Variants in ENOX1 observed in about 807,000 individuals in gnomAD.
ENOX1 encodes the protein ecto-NOX disulfide-thiol exchanger 1.
ENOX1 carries 42 observed loss-of-function variants against 82.5 expected under a neutral mutation model. That is an observed-to-expected ratio of 0.51 (90% CI 0.40 to 0.66). The LOEUF (loss-of-function observed/expected upper bound fraction) is 0.66, where lower values mean the gene tolerates loss of function less well. Among genes scored for constraint, ENOX1 ranks in the 30% least tolerant of loss-of-function variants. The pLI is 0.00. For synonymous variants in ENOX1, 271 were observed against 282.2 expected (o/e 0.96, Z 0.40); for missense variants, 608 against 811.6 (o/e 0.75, Z 3.05).
intron 1 of ENOX1, among the ~76,000 whole-genome samples, chr13:43,703,602 G>A (rs1320286800): frequency 2.0e-5 from 3 of 152,140 alleles, no homozygotes; most frequent in Non-Finnish European, 4.4e-5. Flanking sequence ...TTTCTTGAGA[G>A]TAGATTTTAT....
chr13:43,224,155 AAC>A lies in ENOX1; in HGVS notation c.1715-19_1715-18del. ...ATATGATACCTGAATTAAAAAGGCA[AAC>A]ATTGGAAATTATTCAAAGGCATATG... On this transcript the variant is annotated intron_variant, in intron 15 of 16. Transcript: ENST00000690772. 6.3e-7 allele frequency: 1 copy of A among 1,597,438 alleles called. No homozygotes were observed. The highest frequency in any genetic ancestry group is 8.6e-7 in the Non-Finnish European group (1 of 1,165,002).
chr13:43,470,383 TATAC>T (rs1433782877), intron 3 of ENOX1, among the ~76,000 whole-genome samples: 2 of 95,832 alleles, frequency 2.1e-5, no homozygotes, highest in African/African-American at 3.9e-5. Context: ...TATACATATA[TATAC>T]GTATATATAT....
intron 14 of ENOX1, among the ~76,000 whole-genome samples, chr13:43,262,505 A>C (rs985813762): frequency 6.6e-6 from 1 of 152,204 alleles, no homozygotes; most frequent in Non-Finnish European, 1.5e-5. Flanking sequence ...TCATCCTGCC[A>C]AAAGTCCTGT....
intron 2 of ENOX1, among the ~76,000 whole-genome samples, chr13:43,575,975 T>G (rs2080404764): frequency 6.6e-6 from 1 of 152,226 alleles, no homozygotes; most frequent in Admixed American, 6.5e-5. Context: ...ACTAAAAGAA[T>G]GTACATTCCA....
At chr13:43,524,187 C>T (rs1252628226) in intron 2 of ENOX1, among the ~76,000 whole-genome samples, 1 of 152,138 alleles carries the variant, frequency 6.6e-6, no homozygotes, top group African/African-American at 2.4e-5. Flanking sequence ...ATAGTGACAT[C>T]TGAAAACAAG....
At chr13:43,283,034 G>C (rs1593696004) in intron 12 of ENOX1, among the ~76,000 whole-genome samples, 1 of 151,654 alleles carries the variant, frequency 6.6e-6, no homozygotes, top group African/African-American at 2.4e-5. Context: ...AGTGAGCCGA[G>C]ATCACGCCAC....
At chr13:43,310,995 A>G (rs2047168804) in intron 11 of ENOX1, among the ~76,000 whole-genome samples, 1 of 151,824 alleles carries the variant, frequency 6.6e-6, no homozygotes, top group South Asian at 2.1e-4. Flanking sequence ...CTTCCTACCA[A>G]AAAGAGTAAC....
At chr13:43,366,321 C>T (rs2050844487) in intron 5 of ENOX1, among the ~76,000 whole-genome samples, 1 of 151,832 alleles carries the variant, frequency 6.6e-6, no homozygotes, top group East Asian at 1.9e-4. Flanking sequence ...GTCATCCAGG[C>T]TGGAGTACAA....
intron 5 of ENOX1, among the ~76,000 whole-genome samples, chr13:43,362,373 C>G (rs1014074494): frequency 5.9e-5 from 9 of 152,016 alleles, no homozygotes; most frequent in Non-Finnish European, 1.3e-4. Flanking sequence ...TGAGGGTTTC[C>G]CTGTTGGCAG....
chr13:43,771,050 ATT>A (rs1951565179), intron 1 of ENOX1, among the ~76,000 whole-genome samples: 3 of 152,322 alleles, frequency 2.0e-5, no homozygotes, highest in African/African-American at 7.2e-5. Context: ...TCAGATCTGA[ATT>A]TATACATGCT....
intron 2 of ENOX1, among the ~76,000 whole-genome samples, chr13:43,570,084 C>A (rs899155613): frequency 2.6e-5 from 4 of 152,234 alleles, no homozygotes; most frequent in East Asian, 1.9e-4. Context: ...CTGAGGATAC[C>A]TTTAAGATTT....
intron 1 of ENOX1, among the ~76,000 whole-genome samples, chr13:43,688,735 AT>A (rs1238572104): frequency 2.6e-5 from 4 of 151,234 alleles, no homozygotes; most frequent in African/African-American, 9.8e-5. Context: ...CGGGGCTACT[AT>A]TTGCAGAGAA....
chr13:43,608,687 T>C lies in ENOX1; in HGVS notation c.-219+58792A>G, dbSNP rs80256399. Reference sequence around the variant, plus strand: ...GGATAGATAACAGATATAAATACCCTGATGTCATGATTGCTTTTTGGTCTT... The same window carrying C: ...GGATAGATAACAGATATAAATACCCCGATGTCATGATTGCTTTTTGGTCTT... On this transcript the variant is annotated intron_variant, in intron 2 of 16. Transcript: ENST00000690772. Among the ~76,000 whole-genome samples the C allele has an allele frequency of 3.3e-5, 5 of 152,302 alleles. No homozygotes were observed. In the East Asian group the frequency reaches 9.7e-4, roughly 29 times the overall value.
intron 1 of ENOX1, among the ~76,000 whole-genome samples, chr13:43,733,606 C>T (rs1397609877): frequency 6.6e-6 from 1 of 152,170 alleles, no homozygotes; most frequent in Non-Finnish European, 1.5e-5. Flanking sequence ...TTGTACCAGA[C>T]ACTTGTTTTC....
chr13:43,557,604 C>T (rs2079496661), intron 2 of ENOX1, among the ~76,000 whole-genome samples: 1 of 152,146 alleles, frequency 6.6e-6, no homozygotes, highest in Admixed American at 6.5e-5. Context: ...ACTTCCACCT[C>T]ACCAGCCAGG....
chr13:43,730,779 C>A (rs554762767), intron 1 of ENOX1, among the ~76,000 whole-genome samples: 5 of 152,312 alleles, frequency 3.3e-5, no homozygotes, highest in Middle Eastern at 3.4e-3. Context: ...CAGCTCCCTG[C>A]AATGTCTGTG....
At chr13:43,402,550 T>A (rs2053558538) in intron 5 of ENOX1, among the ~76,000 whole-genome samples, 1 of 152,196 alleles carries the variant, frequency 6.6e-6, no homozygotes, top group Non-Finnish European at 1.5e-5. Context: ...GATGATAGAA[T>A]AATTATATTA....
At chr13:43,518,170 C>T (rs964491971) in intron 2 of ENOX1, among the ~76,000 whole-genome samples, 2 of 152,078 alleles carry the variant, frequency 1.3e-5, no homozygotes, top group Admixed American at 6.6e-5. Flanking sequence ...AATTTATCAA[C>T]CATATTAACA....
At chr13:43,750,226 A>G (rs1311635824) in intron 1 of ENOX1, among the ~76,000 whole-genome samples, 1 of 152,204 alleles carries the variant, frequency 6.6e-6, no homozygotes, top group East Asian at 1.9e-4. Context: ...AAAATTTGGC[A>G]TACTCTGGGT....
Sources: allele counts gnomAD v4.1 joint callset (sites outside exome capture counted in the v4.1 genomes callset), GRCh38; gene constraint gnomAD v4.1.1; transcripts MANE v1.5; gene names NCBI Gene and HGNC (gene_info 2026-07-23, HGNC 2026-07-21).